VWF: variants seen among roughly 807,000 people sequenced by gnomAD.
VWF encodes Factor VIII related antigen.
A neutral mutation model predicts 308.6 loss-of-function variants in VWF; 176 were observed. The ratio of observed to expected loss-of-function variants is 0.57; its 90% CI spans 0.50 to 0.65. The LOEUF (loss-of-function observed/expected upper bound fraction) is 0.65, where lower values mean the gene tolerates loss of function less well. VWF is among the 30% of genes least tolerant of loss of function. The pLI, the probability that VWF is intolerant of heterozygous loss-of-function variation, is 0.00. For synonymous variants in VWF, 1,385 were observed against 1,443.4 expected (o/e 0.96, Z 0.92); for missense variants, 3,146 against 3,648.2 (o/e 0.86, Z 3.55).
intron 5 of VWF, among the ~76,000 whole-genome samples, chr12:6,103,454 A>ACACG (rs1565391095): frequency 2.1e-5 from 2 of 94,046 alleles, no homozygotes; most frequent in African/African-American, 1.0e-4. Context: ...ATACACATAT[A>ACACG]TGTGTATATA....
At chr12:6,123,071 G>T in intron 2 of VWF, 71 bp downstream of exon 2, 1 of 1,591,370 alleles carries the variant, frequency 6.3e-7, no homozygotes, top group South Asian at 1.1e-5. Context: ...CACACCTGCT[G>T]ATTCCCGGAA....
Position 6,071,411 on chromosome 12 carries a change from A to T in VWF, c.1110-68T>A, listed in dbSNP as rs1288765395. 1.9e-6 allele frequency: 3 copies of T among 1,564,694 alleles called. No individual in the cohort carries two copies. The Admixed American group carries it at 5.0e-5, about 26-fold the overall frequency. On this transcript the variant is annotated intron_variant, in intron 9 of 51. Coordinates refer to ENST00000261405, the MANE Select transcript of VWF (RefSeq NM_000552.5). ...CACAAGGGTATGCAAATGGATTTAG[A>T]GCTCATGGTAGTTATCACAGTCCCC... is the stretch of plus-strand genomic sequence containing the variant.
intron 18 of VWF, among the ~76,000 whole-genome samples, chr12:6,042,487 A>G (rs12366600): frequency 0.04 from 6,019 of 152,302 alleles, 149 homozygotes; most frequent in Middle Eastern, 0.068. Context: ...TTAATAAATT[A>G]CACGGACTTC....
intron 5 of VWF, among the ~76,000 whole-genome samples, chr12:6,097,064 T>C (rs1343991981): frequency 6.6e-6 from 1 of 152,204 alleles, no homozygotes; most frequent in East Asian, 1.9e-4. Context: ...AAAGATGTGC[T>C]TGAGTTAGGG....
intron 6 of VWF, among the ~76,000 whole-genome samples, chr12:6,080,522 A>G (rs1360576011): frequency 6.6e-6 from 1 of 152,220 alleles, no homozygotes; most frequent in African/African-American, 2.4e-5. Flanking sequence ...CCTGGATGCA[A>G]CATAGGACTT....
chr12:5,995,817 T>A (rs909515771), intron 35 of VWF, among the ~76,000 whole-genome samples, 185 bp downstream of exon 35: 1 of 152,048 alleles, frequency 6.6e-6, no homozygotes, highest in Non-Finnish European at 1.5e-5. Flanking sequence ...CGGAACAACA[T>A]GAAATCACGC....
At chr12:6,077,608 A>C in intron 6 of VWF, among the ~76,000 whole-genome samples, 1 of 152,200 alleles carries the variant, frequency 6.6e-6, no homozygotes, top group East Asian at 1.9e-4. Context: ...CAGAGTGAGA[A>C]TGACCTGTGG....
At chr12:6,115,543 G>C (rs1003972824) in intron 3 of VWF, among the ~76,000 whole-genome samples, 1 of 152,126 alleles carries the variant, frequency 6.6e-6, no homozygotes, top group African/African-American at 2.4e-5. Flanking sequence ...GATATTTTCT[G>C]ATGTTTTCTA....
Position 6,013,067 on chromosome 12 carries a change from C to T in VWF, c.5620+414G>A, listed in dbSNP as rs145804566. Among the ~76,000 whole-genome samples the T allele has an allele frequency of 4.5e-3, 686 of 152,202 alleles. 7 individuals carry two copies. The highest frequency in any genetic ancestry group is 0.016 in the African/African-American group (658 of 41,530). ...ACTATGGTACTTTGATATGAGTCTC[C>T]GTGTTATCGTATTTCTAAAGCCCTT... On this transcript the variant is annotated intron_variant, in intron 32 of 51. Coordinates refer to ENST00000261405, the MANE Select transcript of VWF (RefSeq NM_000552.5).
chr12:6,111,945 A>G (rs1361257410), intron 3 of VWF, among the ~76,000 whole-genome samples: 1 of 152,028 alleles, frequency 6.6e-6, no homozygotes, highest in Non-Finnish European at 1.5e-5. Context: ...GTGACAGAGC[A>G]AGACTCTGTC....
At position 6,063,136 on chromosome 12, in the gene VWF, G is replaced by A. The variant is rs999137915; in HGVS notation, c.1433-82C>T. ...AGGCAGATGTATTTGGGAGGAAATGGGGTGTCTCAAAAGGATGGTAGCACT... is the reference window on the plus strand; with the variant it reads ...AGGCAGATGTATTTGGGAGGAAATGAGGTGTCTCAAAAGGATGGTAGCACT... On this transcript the variant is annotated intron_variant, in intron 12 of 51. Coordinates refer to ENST00000261405, the MANE Select transcript of VWF (RefSeq NM_000552.5). This position sits in a 1 kb window ranked among gnomAD's most constrained non-coding sequence, Gnocchi z 4.9. The A allele has an allele frequency of 4.2e-5, 49 of 1,164,564 alleles. No individual in the cohort carries two copies. In the Admixed American group the frequency reaches 7.0e-4, roughly 17 times the overall value. 72.1% of individuals were successfully genotyped at this position (1,164,564 alleles called of 1,614,324 possible).
intron 25 of VWF, among the ~76,000 whole-genome samples, chr12:6,023,326 C>T (rs190988313): frequency 2.0e-3 from 304 of 152,264 alleles, no homozygotes; most frequent in African/African-American, 6.8e-3. Context: ...ATAATCACGC[C>T]TAATTAAAGA....
chr12:6,024,746 G>C lies in VWF; in HGVS notation c.3222+834C>G, dbSNP rs368731240. Among the ~76,000 whole-genome samples, 2 of 152,162 alleles carry C rather than the reference G, an allele frequency of 1.3e-5. No individual in the cohort carries two copies. Among genetic ancestry groups the C allele is most frequent in the African/African-American group, 4.8e-5 (2 of 41,434 alleles). On this transcript the variant is annotated intron_variant, in intron 24 of 51. Transcript: ENST00000261405. The surrounding 1 kb of genome is among the most constrained non-coding windows in gnomAD (Gnocchi z 4.0). ...GATAAGAGACAACTGCACTATGGTC[G>C]GGCATGGTGGCTCACACCTGTAATC... is the stretch of plus-strand genomic sequence containing the variant.
At position 6,072,313 on chromosome 12, in the gene VWF, C is replaced by G; in HGVS notation, c.1109+18G>C. 2 of 1,611,338 alleles carry G rather than the reference C, an allele frequency of 1.2e-6. No individual in the cohort carries two copies. Among genetic ancestry groups the G allele is most frequent in the African/African-American group, 1.3e-5 (1 of 74,956 alleles). On this transcript the variant is annotated intron_variant, in intron 9 of 51. Transcript: ENST00000261405. ...CCCCAGGCAGGTCTCCCAGAGCACG[C>G]TGCGCAGCCCCCATTACCAGGTGTT...
At chr12:6,002,321 C>A (rs181395442) in intron 34 of VWF, among the ~76,000 whole-genome samples, 46 of 151,442 alleles carry the variant, frequency 3.0e-4, no homozygotes, top group Middle Eastern at 3.8e-3. Context: ...TCCAGAAAGA[C>A]AAATCATGAG....
chr12:6,067,290 C>A (rs889072717), intron 10 of VWF, among the ~76,000 whole-genome samples: 1 of 152,166 alleles, frequency 6.6e-6, no homozygotes. Context: ...AATGTCTTGA[C>A]CCCAGGGCAG....
At chr12:6,115,926 T>C (rs1945359916) in intron 3 of VWF, among the ~76,000 whole-genome samples, 1 of 152,200 alleles carries the variant, frequency 6.6e-6, no homozygotes, top group Non-Finnish European at 1.5e-5. Flanking sequence ...ACTCAGGCTT[T>C]TTTGACTGTC....
At chr12:6,106,677 G>A (rs568623315) in intron 5 of VWF, among the ~76,000 whole-genome samples, 1 of 151,948 alleles carries the variant, frequency 6.6e-6, no homozygotes, top group East Asian at 1.9e-4. Flanking sequence ...GAGTTCAAGA[G>A]CAGCCTGGCC....
intron 10 of VWF, 134 bp from the exon 11 acceptor site, chr12:6,065,407 A>G (rs975329049): frequency 3.4e-6 from 4 of 1,182,306 alleles, no homozygotes; most frequent in Admixed American, 2.0e-5. Flanking sequence ...AAACCAGTCT[A>G]AAAACAAGTT....
Sources: allele counts gnomAD v4.1 joint callset (sites outside exome capture counted in the v4.1 genomes callset), GRCh38; gene constraint gnomAD v4.1.1; non-coding constraint Gnocchi (gnomAD v3.1); transcripts MANE v1.5; gene names NCBI Gene and HGNC (gene_info 2026-07-23, HGNC 2026-07-21).